CA8: variants seen among roughly 807,000 people sequenced by gnomAD.
CA8 encodes the protein carbonic anhydrase 8 (inactive).
Under a neutral mutation model 41.4 loss-of-function variants are expected in CA8, and 22 were observed. That is an observed-to-expected ratio of 0.53 (90% CI 0.38 to 0.76). The LOEUF is 0.76. CA8 is among the 30% of genes least tolerant of loss of function. The pLI is 0.00. For synonymous variants in CA8, 121 were observed against 130.6 expected, an observed-to-expected ratio of 0.93 and a Z score of 0.50; for missense variants, 270 against 352.8, an observed-to-expected ratio of 0.77 and a Z score of 1.88.
intron 7 of CA8, among the ~76,000 whole-genome samples, chr8:60,213,663 A>G (rs1806918096): frequency 6.6e-6 from 1 of 152,214 alleles, no homozygotes; most frequent in African/African-American, 2.4e-5. Context: ...AATCTCATCA[A>G]TAACTTTTTA....
rs1285085526 is a variant in CA8 at position 60,281,179 on chromosome 8, G to A, written c.-32C>T. The A allele has an allele frequency of 2.7e-6, 4 of 1,471,008 alleles. No individual in the cohort carries two copies. Among genetic ancestry groups the A allele is most frequent in the African/African-American group, 1.4e-5 (1 of 71,460 alleles). 91.1% of individuals were successfully genotyped at this position (1,471,008 alleles called of 1,614,324 possible). Reference sequence around the variant, plus strand: ...GCCGCGGGGCCCCTCGGCGCTCTCGGCAGCAGTGCCTGCGCCTTCGCTGGG... The same window carrying A: ...GCCGCGGGGCCCCTCGGCGCTCTCGACAGCAGTGCCTGCGCCTTCGCTGGG... On this transcript the variant is annotated 5_prime_UTR_variant, in exon 1 of 9. Transcript: ENST00000317995.
At chr8:60,203,504 T>C (rs770790798) in intron 8 of CA8, among the ~76,000 whole-genome samples, 1 of 152,142 alleles carries the variant, frequency 6.6e-6, no homozygotes, top group Non-Finnish European at 1.5e-5. Context: ...ATTGAAAAAA[T>C]AGTAATCTCA....
intron 3 of CA8, among the ~76,000 whole-genome samples, chr8:60,251,352 T>A (rs1189326974): frequency 1.3e-5 from 2 of 152,360 alleles, no homozygotes; most frequent in Admixed American, 6.5e-5. Flanking sequence ...GCCCACTATA[T>A]GCCAGGAACT....
At chr8:60,199,953 A>G (rs569689554) in intron 8 of CA8, among the ~76,000 whole-genome samples, 21 of 152,238 alleles carry the variant, frequency 1.4e-4, no homozygotes, top group African/African-American at 4.8e-4. Context: ...GAGGGTTGTC[A>G]GTGTTTACCT....
chr8:60,189,940 G>C lies in CA8; in HGVS notation c.*81C>G, dbSNP rs1197951858. On this transcript the variant is annotated 3_prime_UTR_variant, in exon 9 of 9. Transcript: ENST00000317995. Reference sequence around the variant, plus strand: ...GATAAACTGAAGGTGCAGCTCAAAAGTTTCCTTTTCTTATCCAAGGGCATT... The same window carrying C: ...GATAAACTGAAGGTGCAGCTCAAAACTTTCCTTTTCTTATCCAAGGGCATT... The C allele has an allele frequency of 6.7e-6, 1 of 148,482 alleles. No homozygotes were observed. The highest frequency in any genetic ancestry group is 2.5e-5 in the African/African-American group (1 of 40,130). 9.2% of individuals were successfully genotyped at this position (148,482 alleles called of 1,614,324 possible).
intron 2 of CA8, among the ~76,000 whole-genome samples, chr8:60,269,931 A>AGATACCAACTCAGCTGAGTCTT (rs1168734546): frequency 6.6e-6 from 1 of 152,254 alleles, no homozygotes; most frequent in African/African-American, 2.4e-5. Flanking sequence ...GTTCCCCAGA[A>AGATACCAACTCAGCTGAGTCTT]GATACCAACT....
chr8:60,243,762 G>A (rs960888236), intron 3 of CA8, among the ~76,000 whole-genome samples: 6 of 152,090 alleles, frequency 3.9e-5, no homozygotes, highest in South Asian at 2.1e-4. Context: ...CCTGGGTTTC[G>A]TGGTGCCACA....
intron 2 of CA8, 143 bp from the exon 3 acceptor site, chr8:60,266,192 A>C (rs1803896601): frequency 1.3e-6 from 1 of 753,656 alleles, no homozygotes; most frequent in African/African-American, 1.8e-5. Flanking sequence ...GAAATTTATC[A>C]CAACTGTGAG....
intron 3 of CA8, among the ~76,000 whole-genome samples, chr8:60,240,284 G>A (rs998364272): frequency 6.6e-6 from 1 of 152,214 alleles, no homozygotes; most frequent in African/African-American, 2.4e-5. Flanking sequence ...TTAGATTATT[G>A]AGATGGCAGT....
Position 60,257,024 on chromosome 8 carries a change from A to C in CA8, c.417+8901T>G, listed in dbSNP as rs1345161790. On this transcript the variant is annotated intron_variant, in intron 3 of 8. Coordinates refer to ENST00000317995, the MANE Select transcript of CA8 (RefSeq NM_004056.6). Reference sequence around the variant, plus strand: ...GACACAGAGTCTTGCTCTGTCACCCAGGCTGGAGTGCAGTGGTGCAATCTC... The same window carrying C: ...GACACAGAGTCTTGCTCTGTCACCCCGGCTGGAGTGCAGTGGTGCAATCTC... Among the ~76,000 whole-genome samples, 4 of 151,956 alleles carry C rather than the reference A, an allele frequency of 2.6e-5. No homozygotes were observed. In the East Asian group the frequency reaches 7.7e-4, roughly 29 times the overall value.
intron 3 of CA8, among the ~76,000 whole-genome samples, chr8:60,235,100 G>T (rs1369836081): frequency 1.3e-5 from 2 of 152,168 alleles, no homozygotes; most frequent in African/African-American, 4.8e-5. Context: ...ATCTGTATGA[G>T]TCTGCTAGGG....
intron 8 of CA8, among the ~76,000 whole-genome samples, chr8:60,196,058 AAAG>A (rs754941750): frequency 4.6e-5 from 7 of 152,178 alleles, no homozygotes; most frequent in Admixed American, 1.3e-4. Context: ...ATAAAATCAG[AAAG>A]AAGGAGATAA....
chr8:60,212,458 T>C (rs1298374801), intron 7 of CA8, among the ~76,000 whole-genome samples: 1 of 152,232 alleles, frequency 6.6e-6, no homozygotes, highest in Non-Finnish European at 1.5e-5. Flanking sequence ...CTTGGCTTAA[T>C]GAACATGGGA....
intron 3 of CA8, among the ~76,000 whole-genome samples, chr8:60,262,335 C>CAAAAAAAAAAAAA (rs11424117): frequency 9.1e-6 from 1 of 109,324 alleles, no homozygotes; most frequent in African/African-American, 3.2e-5. Flanking sequence ...AGCAAAATGG[C>CAAAAAAAAAAAAA]AAAAAAAAAA....
At chr8:60,269,013 AG>A (rs1300882576) in intron 2 of CA8, among the ~76,000 whole-genome samples, 3 of 152,240 alleles carry the variant, frequency 2.0e-5, no homozygotes, top group Admixed American at 2.0e-4. Context: ...CTGTTGCTGC[AG>A]ATGAATAATC....
At chr8:60,212,646 C>G (rs901393270) in intron 7 of CA8, among the ~76,000 whole-genome samples, 1 of 152,142 alleles carries the variant, frequency 6.6e-6, no homozygotes, top group Non-Finnish European at 1.5e-5. Context: ...TGGCAGGAAG[C>G]AGAAATGGGG....
intron 2 of CA8, among the ~76,000 whole-genome samples, chr8:60,267,052 C>T (rs554896696): frequency 2.0e-5 from 3 of 152,328 alleles, no homozygotes; most frequent in Non-Finnish European, 2.9e-5. Context: ...AGATTCCACA[C>T]CTCTCTCGAG....
chr8:60,218,538 T>TA (rs111397949), intron 7 of CA8, among the ~76,000 whole-genome samples: 4,036 of 151,568 alleles, frequency 0.027, 184 homozygotes, highest in African/African-American at 0.089. Flanking sequence ...ATGAAAAGGA[T>TA]AAAAAAAAGG....
rs144424008 is a variant in CA8 at position 60,221,398 on chromosome 8, G to C, written c.738+1251C>G. On this transcript the variant is annotated intron_variant, in intron 7 of 8. Transcript: ENST00000317995. Reference sequence around the variant, plus strand: ...CTGTGTCCAGTTAGCATTCAGGAAGGGTTTCTTTTTGTTCTTCATTTTTAA... The same window carrying C: ...CTGTGTCCAGTTAGCATTCAGGAAGCGTTTCTTTTTGTTCTTCATTTTTAA... Among the ~76,000 whole-genome samples, 521 of 152,178 alleles carry C rather than the reference G, an allele frequency of 3.4e-3. 1 individual carries two copies. The highest frequency in any genetic ancestry group is 5.3e-3 in the Non-Finnish European group (361 of 68,022).
Sources: gnomAD v4.1 joint callset for allele counts (sites outside exome capture counted in the v4.1 genomes callset) on GRCh38, gnomAD v4.1.1 for gene constraint, MANE v1.5 for transcripts, NCBI Gene and HGNC (gene_info 2026-07-23, HGNC 2026-07-21) for gene names.